ARK2N: variants seen among roughly 807,000 people sequenced by gnomAD.
ARK2N encodes arkadia (RNF111) N-terminal like PKA signaling regulator 2N.
the ARK2N span, among the ~76,000 whole-genome samples, chr18:46,231,069 G>C: frequency 2.0e-5 from 3 of 152,138 alleles, no homozygotes; most frequent in Non-Finnish European, 4.4e-5. Context: ...TAATCATATT[G>C]ATTGTACTTT....
chr18:46,174,606 G>T, the ARK2N span, among the ~76,000 whole-genome samples: 1 of 152,298 alleles, frequency 6.6e-6, no homozygotes, highest in South Asian at 2.1e-4. Flanking sequence ...GGCGGAGTTG[G>T]CTCCGGCACT....
the ARK2N span, among the ~76,000 whole-genome samples, chr18:46,259,401 G>A: frequency 6.6e-6 from 1 of 151,400 alleles, no homozygotes; most frequent in African/African-American, 2.4e-5. Context: ...ATGCCACCGT[G>A]CCTGGCTCAT....
chr18:46,209,507 C>T, the ARK2N span, among the ~76,000 whole-genome samples: 4 of 152,164 alleles, frequency 2.6e-5, no homozygotes, highest in Non-Finnish European at 5.9e-5. Context: ...TTGAGCTGTA[C>T]ACATCTTTTG....
chr18:46,187,530 C>T, the ARK2N span, among the ~76,000 whole-genome samples: 1 of 152,084 alleles, frequency 6.6e-6, no homozygotes, highest in Non-Finnish European at 1.5e-5. Flanking sequence ...TTAGTAGACA[C>T]AGGGTTTCAC....
At chr18:46,249,266 G>T in the ARK2N span, among the ~76,000 whole-genome samples, 1 of 151,962 alleles carries the variant, frequency 6.6e-6, no homozygotes, top group African/African-American at 2.4e-5. Flanking sequence ...GTCTTGCTCT[G>T]TCACCCAGGC....
chr18:46,248,524 C>T, the ARK2N span, among the ~76,000 whole-genome samples: 1 of 152,132 alleles, frequency 6.6e-6, no homozygotes, highest in African/African-American at 2.4e-5. Flanking sequence ...CCTTCTACCC[C>T]TCCTTACTGC....
the ARK2N span, among the ~76,000 whole-genome samples, chr18:46,241,240 G>A: frequency 1.2e-3 from 187 of 152,230 alleles, no homozygotes; most frequent in African/African-American, 4.4e-3. Flanking sequence ...TTGATTTACT[G>A]TAGCTAATTT....
chr18:46,180,449 G>A, the ARK2N span, among the ~76,000 whole-genome samples: 1 of 152,252 alleles, frequency 6.6e-6, no homozygotes, highest in African/African-American at 2.4e-5. Flanking sequence ...GCTCACGCCT[G>A]TAATCCCAGC....
chr18:46,194,362 A>C, the ARK2N span, among the ~76,000 whole-genome samples: 1 of 151,568 alleles, frequency 6.6e-6, no homozygotes, highest in Non-Finnish European at 1.5e-5. Flanking sequence ...GCACCTTGGG[A>C]GGCCGAGGCG....
At chr18:46,259,812 GTT>G in the ARK2N span, among the ~76,000 whole-genome samples, 4 of 149,660 alleles carry the variant, frequency 2.7e-5, no homozygotes, top group East Asian at 2.0e-4. Context: ...GTGTGTGTGT[GTT>G]TGACAGAGAT....
the ARK2N span, among the ~76,000 whole-genome samples, chr18:46,230,469 A>G: frequency 6.6e-6 from 1 of 152,212 alleles, no homozygotes; most frequent in Admixed American, 6.5e-5. Context: ...GTTAAGGACC[A>G]TGTCCTGTTT....
the ARK2N span, among the ~76,000 whole-genome samples, chr18:46,193,212 T>G: frequency 6.6e-6 from 1 of 152,164 alleles, no homozygotes; most frequent in African/African-American, 2.4e-5. Flanking sequence ...CTGGAATGAC[T>G]TTATTTAAAA....
chr18:46,227,294 A>G, the ARK2N span, among the ~76,000 whole-genome samples: 1 of 152,202 alleles, frequency 6.6e-6, no homozygotes, highest in Non-Finnish European at 1.5e-5. Flanking sequence ...CGATGTCTCA[A>G]TATTTCTTAG....
chr18:46,175,364 T>C, the ARK2N span, among the ~76,000 whole-genome samples: 1 of 152,308 alleles, frequency 6.6e-6, no homozygotes, highest in East Asian at 1.9e-4. Flanking sequence ...CTTAGGCTTT[T>C]ATTGTGTAGT....
At chr18:46,230,482 A>G in the ARK2N span, among the ~76,000 whole-genome samples, 1 of 152,116 alleles carries the variant, frequency 6.6e-6, no homozygotes, top group Admixed American at 6.5e-5. Flanking sequence ...TCCTGTTTGT[A>G]TTTATTTGTA....
chr18:46,244,743 A>G, the ARK2N span, among the ~76,000 whole-genome samples: 1 of 151,724 alleles, frequency 6.6e-6, no homozygotes, highest in South Asian at 2.1e-4. Flanking sequence ...CTGGGATTAC[A>G]GGTGTGTGCC....
At chr18:46,207,034 C>T in the ARK2N span, among the ~76,000 whole-genome samples, 2 of 152,114 alleles carry the variant, frequency 1.3e-5, no homozygotes, top group African/African-American at 2.4e-5. Flanking sequence ...CTTTGATTTC[C>T]CAAAGTGCTG....
At chr18:46,262,546 G>C in the ARK2N span, among the ~76,000 whole-genome samples, 1 of 152,104 alleles carries the variant, frequency 6.6e-6, no homozygotes, top group Non-Finnish European at 1.5e-5. Context: ...CTTACTGTTT[G>C]ATTTGTTCAG....
the ARK2N span, among the ~76,000 whole-genome samples, chr18:46,246,543 A>T: frequency 6.9e-6 from 1 of 144,878 alleles, no homozygotes; most frequent in Non-Finnish European, 1.5e-5. Flanking sequence ...TCACACTATT[A>T]GTCTAGGAGT....
Sources: allele counts gnomAD v4.1 joint callset (sites outside exome capture counted in the v4.1 genomes callset), GRCh38; gene constraint gnomAD v4.1.1; transcripts MANE v1.5; gene names NCBI Gene and HGNC (gene_info 2026-07-23, HGNC 2026-07-21).